The following PDSS2 variants were observed in gnomAD, a reference collection of about 807,000 sequenced individuals.
The protein encoded by PDSS2 is all trans-polyprenyl-diphosphate synthase PDSS2.
In PDSS2, 31 loss-of-function variants were observed where a neutral mutation model predicts 44.5. That is an observed-to-expected ratio of 0.70 (90% CI 0.52 to 0.94). The LOEUF (loss-of-function observed/expected upper bound fraction) is 0.94, where lower values mean the gene tolerates loss of function less well. PDSS2 is among the 40% of genes least tolerant of loss of function. The pLI is 0.00. For missense variants in PDSS2, 452 were observed against 482.2 expected, an observed-to-expected ratio of 0.94 and a Z score of 0.59; for synonymous variants, 157 against 180.3, an observed-to-expected ratio of 0.87 and a Z score of 1.03.
At chr6:107,417,296 T>C (rs547210409) in intron 1 of PDSS2, among the ~76,000 whole-genome samples, 1 of 152,176 alleles carries the variant, frequency 6.6e-6, no homozygotes, top group African/African-American at 2.4e-5. Context: ...TCTAAAATGA[T>C]AATGACCAAT....
At chr6:107,225,691 T>C (rs1013612243) in intron 4 of PDSS2, among the ~76,000 whole-genome samples, 3 of 152,150 alleles carry the variant, frequency 2.0e-5, no homozygotes, top group African/African-American at 7.2e-5. Context: ...TTCTTTCAAA[T>C]TGTTTTCTAG....
At chr6:107,327,159 T>C (rs1005860735) in intron 2 of PDSS2, among the ~76,000 whole-genome samples, 6 of 152,200 alleles carry the variant, frequency 3.9e-5, no homozygotes, top group Admixed American at 2.6e-4. Context: ...AGTGTTTTTT[T>C]CCTCAGATTG....
chr6:107,159,202 C>T (rs576007048), intron 7 of PDSS2, among the ~76,000 whole-genome samples: 7 of 151,732 alleles, frequency 4.6e-5, no homozygotes, highest in Non-Finnish European at 7.4e-5. Context: ...ATCCCACCCA[C>T]CAAGATCAAG....
chr6:107,339,822 C>A (rs968798407), intron 1 of PDSS2, among the ~76,000 whole-genome samples: 1 of 152,000 alleles, frequency 6.6e-6, no homozygotes, highest in African/African-American at 2.4e-5. Context: ...ACTACACCAC[C>A]CAGGATGAAC....
intron 2 of PDSS2, among the ~76,000 whole-genome samples, chr6:107,284,333 C>T (rs1026801662): frequency 6.6e-6 from 1 of 151,972 alleles, no homozygotes; most frequent in Non-Finnish European, 1.5e-5. Flanking sequence ...AATATTGCAT[C>T]AAGAACATCT....
In PDSS2 at chr6:107,154,181, T is replaced by G. The variant is rs1011147360; in HGVS notation, c.*438A>C. 5.2e-6 allele frequency: 1 copy of G among 193,418 alleles called. No homozygotes were observed. The highest frequency in any genetic ancestry group is 1.0e-4 in the South Asian group (1 of 9,810). 12.0% of individuals were successfully genotyped at this position (193,418 alleles called of 1,614,324 possible). The stretch of plus-strand genomic sequence containing the variant: ...TCCATTATGACAAATTGGTCACTAG[T>G]TTTTGATTAGACAATCCTCCCTGGT... On this transcript the variant is annotated 3_prime_UTR_variant, in exon 8 of 8. Coordinates refer to ENST00000369037, the MANE Select transcript of PDSS2 (RefSeq NM_020381.4).
intron 2 of PDSS2, among the ~76,000 whole-genome samples, chr6:107,287,463 T>C (rs1375407397): frequency 2.0e-5 from 3 of 152,138 alleles, no homozygotes; most frequent in Non-Finnish European, 2.9e-5. Context: ...TGACCTATGA[T>C]ACTCTACTGA....
rs71012784 is a variant in PDSS2 at position 107,176,429 on chromosome 6, T to TACACACAC, written c.1041+17385_1041+17392dup. Among the ~76,000 whole-genome samples the TACACACAC allele has an allele frequency of 1.2e-3, 183 of 149,802 alleles. 1 individual carries two copies. The highest frequency in any genetic ancestry group is 4.0e-3 in the African/African-American group (161 of 40,628). ...TTCCCCCTTAACACACACACACACATACACACACACACACACACACACACA... is the reference window on the plus strand; with the variant it reads ...TTCCCCCTTAACACACACACACACATACACACACACACACACACACACACACACACACA... On this transcript the variant is annotated intron_variant, in intron 7 of 7. Transcript: ENST00000369037.
At chr6:107,354,178 A>G (rs980291451) in intron 1 of PDSS2, among the ~76,000 whole-genome samples, 9 of 152,226 alleles carry the variant, frequency 5.9e-5, no homozygotes, top group African/African-American at 1.9e-4. Context: ...CATATACTCA[A>G]TAGTCTACCT....
At chr6:107,433,150 A>G (rs569823130) in intron 1 of PDSS2, among the ~76,000 whole-genome samples, 2 of 152,140 alleles carry the variant, frequency 1.3e-5, no homozygotes, top group Non-Finnish European at 2.9e-5. Context: ...GTTTTTTCCT[A>G]CGTTGACCGG....
chr6:107,358,557 G>C (rs1778660780), intron 1 of PDSS2, among the ~76,000 whole-genome samples: 1 of 152,148 alleles, frequency 6.6e-6, no homozygotes, highest in Non-Finnish European at 1.5e-5. Context: ...GGAGAATAAA[G>C]ATGGTACAAC....
chr6:107,254,816 C>A (rs1274685485), intron 3 of PDSS2, among the ~76,000 whole-genome samples: 2 of 152,046 alleles, frequency 1.3e-5, no homozygotes, highest in Admixed American at 1.3e-4. Context: ...CTATTAGTGG[C>A]TTTCAATACA....
intron 3 of PDSS2, among the ~76,000 whole-genome samples, chr6:107,246,722 C>T (rs1380444633): frequency 6.6e-6 from 1 of 152,176 alleles, no homozygotes; most frequent in Non-Finnish European, 1.5e-5. Context: ...CACATGAGCA[C>T]TTATCTCCAA....
chr6:107,358,113 T>C (rs940181257), intron 1 of PDSS2, among the ~76,000 whole-genome samples: 1 of 152,168 alleles, frequency 6.6e-6, no homozygotes, highest in Non-Finnish European at 1.5e-5. Flanking sequence ...ATGTGACAGG[T>C]TGCAGTCAAA....
chr6:107,210,645 A>G, intron 5 of PDSS2, 75 bp from the exon 6 acceptor site: 1 of 966,356 alleles, frequency 1.0e-6, no homozygotes, highest in Non-Finnish European at 1.7e-6. Flanking sequence ...TTCAGAAAGT[A>G]CCAGTTAATG....
intron 6 of PDSS2, among the ~76,000 whole-genome samples, chr6:107,199,505 G>A (rs1321222714): frequency 6.6e-6 from 1 of 152,202 alleles, no homozygotes; most frequent in Non-Finnish European, 1.5e-5. Flanking sequence ...TCACTATGTT[G>A]CTCAGGCTGG....
rs116194213 is a variant in PDSS2 at position 107,442,538 on chromosome 6, T to A, written c.296+16452A>T. On this transcript the variant is annotated intron_variant, in intron 1 of 7. Coordinates refer to ENST00000369037, the MANE Select transcript of PDSS2 (RefSeq NM_020381.4). The stretch of plus-strand genomic sequence containing the variant: ...GATGAGAAACCCCTATGGCTTTAAA[T>A]CTCACCTGTATTGAGTACTTCCAAC... Among the ~76,000 whole-genome samples the A allele has an allele frequency of 1.4e-3, 211 of 152,344 alleles. 3 individuals are homozygous for A. Among genetic ancestry groups the A allele is most frequent in the African/African-American group, 4.8e-3 (199 of 41,588 alleles).
rs913498138 is a variant in PDSS2, at chr6:107,319,023, CACAT to C, written c.431+15171_431+15174del. Reference sequence around the variant, plus strand: ...ATATATATATACACACACACACACACACATACACACACACACACACTACACACAC... The same window carrying C: ...ATATATATATACACACACACACACACACACACACACACACACTACACACAC... On this transcript the variant is annotated intron_variant, in intron 2 of 7. Coordinates refer to ENST00000369037, the MANE Select transcript of PDSS2 (RefSeq NM_020381.4). Among the ~76,000 whole-genome samples, 14 of 143,638 alleles carry C rather than the reference CACAT, an allele frequency of 9.7e-5. No individual in the cohort carries two copies. In the East Asian group the frequency reaches 2.1e-3, roughly 22 times the overall value. The allele number at this position is 143,638 out of a possible 152,430, so 94.2% of individuals were successfully genotyped here.
chr6:107,386,430 T>A (rs1366710978), intron 1 of PDSS2, among the ~76,000 whole-genome samples: 1 of 151,904 alleles, frequency 6.6e-6, no homozygotes, highest in Non-Finnish European at 1.5e-5. Flanking sequence ...TTAAGTGTTA[T>A]CTGAACATGT....
Sources: allele counts gnomAD v4.1 joint callset (sites outside exome capture counted in the v4.1 genomes callset), GRCh38; gene constraint gnomAD v4.1.1; transcripts MANE v1.5; gene names NCBI Gene and HGNC (gene_info 2026-07-23, HGNC 2026-07-21).